CADM2: variants seen among roughly 807,000 people sequenced by gnomAD.
CADM2 encodes cell adhesion molecule 2.
CADM2 carries 12 observed loss-of-function variants against 49.8 expected under a neutral mutation model. The ratio of observed to expected loss-of-function variants is 0.24; its 90% CI spans 0.15 to 0.39. The LOEUF (loss-of-function observed/expected upper bound fraction) is 0.39, where lower values mean the gene tolerates loss of function less well. CADM2 is among the 10% of genes least tolerant of loss of function. The pLI is 1.00. For missense variants in CADM2, 378 were observed against 492.3 expected (o/e 0.77, Z 2.20); for synonymous variants, 214 against 175.4 (o/e 1.22, Z -1.74).
chr3:85,863,714 A>AATG (rs1238606420), intron 3 of CADM2, among the ~76,000 whole-genome samples: 1 of 152,168 alleles, frequency 6.6e-6, no homozygotes, highest in Non-Finnish European at 1.5e-5. Context: ...AGTAGCGAAA[A>AATG]ATGATTGAAA....
chr3:85,329,764 T>C (rs1474249809), intron 1 of CADM2, among the ~76,000 whole-genome samples: 2 of 152,164 alleles, frequency 1.3e-5, no homozygotes, highest in East Asian at 3.9e-4. Context: ...ATTTTACAAC[T>C]AGTAATTTTA....
At chr3:85,371,659 A>ATGTG (rs1230796475) in intron 1 of CADM2, among the ~76,000 whole-genome samples, 11 of 37,608 alleles carry the variant, frequency 2.9e-4, no homozygotes, top group African/African-American at 7.0e-4. Context: ...GGATATATAT[A>ATGTG]TATGTGTGTG....
rs1325067786 is a variant in CADM2 at position 85,263,345 on chromosome 3, A to AAC, written c.61+303687_61+303688dup. On this transcript the variant is annotated intron_variant, in intron 1 of 9. Coordinates refer to ENST00000383699, the MANE Select transcript of CADM2 (RefSeq NM_001167675.2). ...ACCATAACCTATGCCTCTGAGAAGA[A>AAC]ACACACACACATACACATATATAAA... Among the ~76,000 whole-genome samples, 3 of 152,172 alleles carry AAC rather than the reference A, an allele frequency of 2.0e-5. No individual in the cohort carries two copies. In the East Asian group the frequency reaches 5.8e-4, roughly 29 times the overall value.
At chr3:85,561,831 T>TATTCAA (rs1481903649) in intron 1 of CADM2, among the ~76,000 whole-genome samples, 1 of 152,200 alleles carries the variant, frequency 6.6e-6, no homozygotes, top group Non-Finnish European at 1.5e-5. Context: ...TTTAAGACTT[T>TATTCAA]ATTCAAATTT....
chr3:85,101,208 C>A (rs893083280), intron 1 of CADM2, among the ~76,000 whole-genome samples: 2 of 151,992 alleles, frequency 1.3e-5, no homozygotes, highest in African/African-American at 4.8e-5. Context: ...GAGCCGAGAG[C>A]GCACCACTGC....
chr3:84,959,775 G>A, intron 1 of CADM2, 107 bp downstream of exon 1: 1 of 1,040,852 alleles, frequency 9.6e-7, no homozygotes, highest in African/African-American at 1.6e-5. Context: ...TGTCCCCAGC[G>A]ATTTCCACCC....
chr3:85,763,293 A>T (rs533588327), intron 2 of CADM2, among the ~76,000 whole-genome samples: 1 of 152,194 alleles, frequency 6.6e-6, no homozygotes, highest in Non-Finnish European at 1.5e-5. Flanking sequence ...ACTTCTCATA[A>T]TACAGGTTCT....
At chr3:85,186,651 A>T (rs1472588782) in intron 1 of CADM2, among the ~76,000 whole-genome samples, 2 of 151,840 alleles carry the variant, frequency 1.3e-5, no homozygotes, top group African/African-American at 4.8e-5. Flanking sequence ...AGGATGTTTA[A>T]CACCATCCCT....
At chr3:85,469,251 A>G (rs539703743) in intron 1 of CADM2, among the ~76,000 whole-genome samples, 2 of 152,328 alleles carry the variant, frequency 1.3e-5, no homozygotes, top group South Asian at 2.1e-4. Context: ...GTATAATCAA[A>G]TTATCTGTGG....
chr3:85,899,647 G>A (rs1292874732), intron 5 of CADM2, among the ~76,000 whole-genome samples: 1 of 152,006 alleles, frequency 6.6e-6, no homozygotes, highest in Non-Finnish European at 1.5e-5. Flanking sequence ...CCTTTCAGAG[G>A]TTTTTAAAAA....
At chr3:85,352,452 A>C (rs144808238) in intron 1 of CADM2, among the ~76,000 whole-genome samples, 1 of 152,158 alleles carries the variant, frequency 6.6e-6, no homozygotes, top group African/African-American at 2.4e-5. Context: ...AATTTATTTT[A>C]TGATTATCAC....
chr3:85,011,665 C>G (rs1172805543), intron 1 of CADM2, among the ~76,000 whole-genome samples: 1 of 151,930 alleles, frequency 6.6e-6, no homozygotes, highest in African/African-American at 2.4e-5. Flanking sequence ...TGGGGGCCAA[C>G]ACAGGAGGAT....
At position 85,448,332 on chromosome 3, in the gene CADM2, CAAAA is replaced by C. The variant is rs57338759; in HGVS notation, c.62-278170_62-278167del. Among the ~76,000 whole-genome samples, 420 of 129,012 alleles carry C rather than the reference CAAAA, an allele frequency of 3.3e-3. 2 individuals carry two copies. The highest frequency in any genetic ancestry group is 0.013 in the Middle Eastern group (3 of 238). The allele number at this position is 129,012 out of a possible 152,430, so 84.6% of individuals were successfully genotyped here. A position where few individuals can be genotyped will look rare whatever the true frequency, so the allele number is the denominator to read the frequency against. ...TGGGCGACAGAGCAAGATTCCGTCT[CAAAA>C]AAAAAAAAAAAAAAAAAAATCCTAG... On this transcript the variant is annotated intron_variant, in intron 1 of 9. Coordinates refer to ENST00000383699, the MANE Select transcript of CADM2 (RefSeq NM_001167675.2).
At chr3:85,965,107 A>G (rs1041304279) in intron 8 of CADM2, among the ~76,000 whole-genome samples, 2 of 151,626 alleles carry the variant, frequency 1.3e-5, no homozygotes, top group East Asian at 2.0e-4. Context: ...TTAATGTGGA[A>G]TATAAGCTAA....
chr3:85,384,616 C>T (rs2034109179), intron 1 of CADM2, among the ~76,000 whole-genome samples: 2 of 151,480 alleles, frequency 1.3e-5, no homozygotes, highest in African/African-American at 4.9e-5. Context: ...GCCCGCCCTC[C>T]TTTTCTTATT....
intron 6 of CADM2, among the ~76,000 whole-genome samples, chr3:85,915,526 T>G (rs1718172229): frequency 6.6e-6 from 1 of 152,110 alleles, no homozygotes; most frequent in Non-Finnish European, 1.5e-5. Flanking sequence ...AGCATCAATA[T>G]TAGAGCAAAT....
At chr3:85,522,347 A>T (rs541502868) in intron 1 of CADM2, among the ~76,000 whole-genome samples, 18 of 151,998 alleles carry the variant, frequency 1.2e-4, no homozygotes, top group Non-Finnish European at 2.6e-4. Flanking sequence ...TTTTTCTGTT[A>T]TATTTGAAGC....
intron 1 of CADM2, among the ~76,000 whole-genome samples, chr3:85,079,110 T>G (rs946800129): frequency 6.6e-6 from 1 of 151,842 alleles, no homozygotes; most frequent in African/African-American, 2.4e-5. Flanking sequence ...TTTTATTATC[T>G]AAAAGAAAAA....
At chr3:85,417,540 T>C (rs1448227672) in intron 1 of CADM2, among the ~76,000 whole-genome samples, 2 of 152,308 alleles carry the variant, frequency 1.3e-5, no homozygotes, top group East Asian at 3.9e-4. Context: ...GGGGATTCTA[T>C]TACTAGCTTT....
Sources: gnomAD v4.1 joint callset for allele counts (sites outside exome capture counted in the v4.1 genomes callset) on GRCh38, gnomAD v4.1.1 for gene constraint, MANE v1.5 for transcripts, NCBI Gene and HGNC (gene_info 2026-07-23, HGNC 2026-07-21) for gene names.